Variants in LARP7 observed in about 807,000 individuals in gnomAD.
LARP7 encodes the protein la-related protein 7.
A neutral mutation model predicts 69.3 loss-of-function variants in LARP7; 52 were observed. The observed-to-expected ratio is 0.75, with a 90% CI of 0.60 to 0.95. LARP7 has a LOEUF of 0.95. LARP7 is among the 40% of genes least tolerant of loss of function. LARP7 has a pLI of 0.00. For synonymous variants in LARP7, 254 were observed against 215.9 expected (o/e 1.18, Z -1.55); for missense variants, 733 against 673.0 (o/e 1.09, Z -0.99).
chr4:112,645,528 C>G (rs544833483), intron 2 of LARP7: 1 of 456,056 alleles, frequency 2.2e-6, no homozygotes, highest in South Asian at 1.5e-5. Context: ...TTTTTTGAGG[C>G]AAGGTCTATC....
At chr4:112,638,393 T>C (rs77685832) in intron 1 of LARP7, among the ~76,000 whole-genome samples, 1 of 152,340 alleles carries the variant, frequency 6.6e-6, no homozygotes, top group East Asian at 1.9e-4. Flanking sequence ...TCTGACTCAC[T>C]CTTCCAAGTT....
chr4:112,648,472 G>T (rs757087059), intron 8 of LARP7: 4 of 533,794 alleles, frequency 7.5e-6, no homozygotes, highest in South Asian at 4.2e-5. Flanking sequence ...TTTTGGAGAA[G>T]TAAATTGGAT....
rs576124252 is a variant in LARP7, at chr4:112,639,490, A to G, written c.-3+2251A>G. Among the ~76,000 whole-genome samples the G allele has an allele frequency of 2.0e-5, 3 of 151,530 alleles. 1 individual carries two copies. In the South Asian group the frequency reaches 6.3e-4, roughly 32 times the overall value. On this transcript the variant is annotated intron_variant, in intron 1 of 12. Transcript: ENST00000344442. ...CGTGATCCGCCCGCCTTGGCCTCCCAAAGTGCTGGGATTACAAGCGTGAGC... is the reference window on the plus strand; with the variant it reads ...CGTGATCCGCCCGCCTTGGCCTCCCGAAGTGCTGGGATTACAAGCGTGAGC...
At chr4:112,655,377 T>C (rs1195510718) in intron 12 of LARP7, 1 of 152,216 alleles carries the variant, frequency 6.6e-6, no homozygotes, top group Non-Finnish European at 1.5e-5. Flanking sequence ...CATCTTTGAC[T>C]AGGAAGTTCT....
Position 112,644,495 on chromosome 4 carries a change from T to C in LARP7, c.-2-173T>C, listed in dbSNP as rs746274012. 1.7e-5 allele frequency: 19 copies of C among 1,142,326 alleles called. No individual in the cohort carries two copies. The South Asian group carries it at 4.5e-4, about 27-fold the overall frequency. 70.8% of individuals were successfully genotyped at this position (1,142,326 alleles called of 1,614,324 possible). ...ATGATCCCTAACATAGAAGGTAAAT[T>C]ATTTTTAAATTTAATTTATTAAATA... On this transcript the variant is annotated intron_variant, in intron 1 of 12. Coordinates refer to ENST00000344442, the MANE Select transcript of LARP7 (RefSeq NM_016648.4).
At chr4:112,651,997 G>GTT (rs753183815) in intron 10 of LARP7, among the ~76,000 whole-genome samples, 7 of 144,056 alleles carry the variant, frequency 4.9e-5, no homozygotes, top group Non-Finnish European at 4.6e-5. Context: ...AGTCTCTGCA[G>GTT]TTTTTTTTTT....
chr4:112,642,765 C>A (rs1481765345), intron 1 of LARP7, among the ~76,000 whole-genome samples: 1 of 152,198 alleles, frequency 6.6e-6, no homozygotes, highest in Non-Finnish European at 1.5e-5. Flanking sequence ...AGATAAGGAC[C>A]ATGGTGTATT....
At chr4:112,655,676 A>C (rs2048925724) in intron 12 of LARP7, among the ~76,000 whole-genome samples, 1 of 152,232 alleles carries the variant, frequency 6.6e-6, no homozygotes, top group Admixed American at 6.5e-5. Flanking sequence ...ACTTTCATGA[A>C]GCTAACAGAT....
At chr4:112,648,809 A>G (rs932616858) in intron 8 of LARP7, 1 of 228,788 alleles carries the variant, frequency 4.4e-6, no homozygotes, top group South Asian at 5.6e-5. Flanking sequence ...ATTTTAATGT[A>G]TCAGCTCTCA....
In LARP7 at chr4:112,657,387, T is replaced by A. The variant is rs1356327834; in HGVS notation, c.*60T>A. ...GATACTTGAGCTGTTCTTGGGAGAT[T>A]CACTTTTATTATGGTAGCACTGCAT... On this transcript the variant is annotated 3_prime_UTR_variant, in exon 13 of 13. Coordinates refer to ENST00000344442, the MANE Select transcript of LARP7 (RefSeq NM_016648.4). 7.7e-6 allele frequency: 6 copies of A among 781,816 alleles called. No homozygotes were observed. Among genetic ancestry groups the A allele is most frequent in the Non-Finnish European group, 3.9e-6 (2 of 508,638 alleles). The allele number at this position is 781,816 out of a possible 1,614,324, so 48.4% of individuals were successfully genotyped here.
Position 112,646,819 on chromosome 4 carries a change from G to A in LARP7, c.416G>A (p.Ser139Asn), listed in dbSNP as rs771396636. 6.2e-7 allele frequency: 1 copy of A among 1,601,106 alleles called. No homozygotes were observed. Among genetic ancestry groups the A allele is most frequent in the South Asian group, 1.1e-5 (1 of 87,736 alleles). Residue 139 changes from serine (S) to asparagine (N), a missense_variant, in exon 5 of 13, where the codon AGC becomes AAC. Transcript: ENST00000344442. ...TTACTTCCCAAAAATGTTAATCACA[G>A]CTGGATTGAAAGAGTATTTGGGAAA... ...VELLPKNVNH[S>N]WIERVFGKCG...
chr4:112,655,792 T>G (rs536562435), intron 12 of LARP7, among the ~76,000 whole-genome samples: 20 of 152,300 alleles, frequency 1.3e-4, no homozygotes, highest in African/African-American at 4.8e-4. Flanking sequence ...CTGCAAAGGT[T>G]ATGTTACAGC....
At chr4:112,640,538 C>T (rs1483679421) in intron 1 of LARP7, among the ~76,000 whole-genome samples, 1 of 151,924 alleles carries the variant, frequency 6.6e-6, no homozygotes, top group Non-Finnish European at 1.5e-5. Context: ...CGCATCTCTA[C>T]TGAAAACAAA....
chr4:112,655,536 A>C (rs2048921533), intron 12 of LARP7: 1 of 152,320 alleles, frequency 6.6e-6, no homozygotes, highest in South Asian at 2.1e-4. Context: ...AGCTTGTTGG[A>C]AAAAAGGAGT....
chr4:112,639,233 G>A (rs1392324587), intron 1 of LARP7, among the ~76,000 whole-genome samples: 1 of 139,168 alleles, frequency 7.2e-6, no homozygotes, highest in East Asian at 2.0e-4. Flanking sequence ...TTTTTGAGAC[G>A]GAGTCTTGCC....
chr4:112,644,569 C>A (rs2048090392), intron 1 of LARP7, 99 bp from the exon 2 acceptor site: 3 of 1,035,104 alleles, frequency 2.9e-6, no homozygotes, highest in Admixed American at 3.2e-5. Flanking sequence ...AAATGTGAGT[C>A]CATTATTCTC....
rs574517414 is a variant in LARP7, at chr4:112,653,359, GA to G, written c.1576+124del. ...TGGTCTTGCTCTGTCGCTCAGGCTG[GA>G]GTACAGTGGTGTGATCTCAGCTCAC... On this transcript the variant is annotated intron_variant, in intron 11 of 12. Transcript: ENST00000344442. 9.9e-4 allele frequency: 666 copies of G among 669,700 alleles called. 13 individuals are homozygous for G. In the South Asian group the frequency reaches 0.017, roughly 17 times the overall value. The allele number at this position is 669,700 out of a possible 1,614,324, so 41.5% of individuals were successfully genotyped here.
intron 2 of LARP7, 82 bp from the exon 3 acceptor site, chr4:112,646,269 G>A: frequency 1.5e-6 from 1 of 675,216 alleles, no homozygotes; most frequent in Non-Finnish European, 2.5e-6. Context: ...CGAGCCTGAG[G>A]GCCTGAGGGG....
intron 12 of LARP7, chr4:112,654,742 C>T (rs995066414): frequency 1.3e-5 from 2 of 152,190 alleles, no homozygotes; most frequent in African/African-American, 4.8e-5. Context: ...TGCTTTCCAG[C>T]TTAGGCAACA....
Sources: gnomAD v4.1 joint callset for allele counts (sites outside exome capture counted in the v4.1 genomes callset) on GRCh38, gnomAD v4.1.1 for gene constraint, MANE v1.5 for transcripts, NCBI Gene and HGNC (gene_info 2026-07-23, HGNC 2026-07-21) for gene names.